Variants in POLA1 observed in about 807,000 individuals in gnomAD.
POLA1 encodes the protein DNA polymerase alpha catalytic subunit.
Under a neutral mutation model 124.0 loss-of-function variants are expected in POLA1, and 15 were observed. The ratio of observed to expected loss-of-function variants is 0.12; its 90% CI spans 0.08 to 0.19. The LOEUF (loss-of-function observed/expected upper bound fraction) is 0.19, where lower values mean the gene tolerates loss of function less well. POLA1 is among the 10% of genes least tolerant of loss of function. POLA1 has a pLI of 1.00. For missense variants in POLA1, 886 were observed against 1,103.4 expected, an observed-to-expected ratio of 0.80 and a Z score of 2.79; for synonymous variants, 408 against 389.4, an observed-to-expected ratio of 1.05 and a Z score of -0.56.
At chrX:24,834,148 A>G (rs935721233) in intron 32 of POLA1, among the ~76,000 whole-genome samples, 3 of 110,284 alleles carry the variant, frequency 2.7e-5, no homozygotes, top group Admixed American at 9.6e-5. Flanking sequence ...GACACTTGAA[A>G]AGCTTCCTGC....
At chrX:24,736,583 A>G (rs774705788) in intron 18 of POLA1, among the ~76,000 whole-genome samples, 115 of 112,084 alleles carry the variant, frequency 1.0e-3, no homozygotes, top group Non-Finnish European at 8.1e-4. Flanking sequence ...TAGGTATTAT[A>G]ATTTGTAAGT....
intron 36 of POLA1, among the ~76,000 whole-genome samples, chrX:24,971,931 G>GATT (rs2048306801): frequency 1.2e-5 from 1 of 86,902 alleles, no homozygotes; most frequent in African/African-American, 4.6e-5. Context: ...GGATGTGGAA[G>GATT]ATTTTATTTT....
chrX:24,696,390 T>C (rs1310643889), intron 1 of POLA1, among the ~76,000 whole-genome samples: 1 of 112,319 alleles, frequency 8.9e-6, no homozygotes, highest in Non-Finnish European at 1.9e-5. Context: ...AGCAAGTACT[T>C]GATGCTATAG....
chrX:24,979,315 G>C (rs2048397591), intron 36 of POLA1, among the ~76,000 whole-genome samples: 2 of 111,670 alleles, frequency 1.8e-5, no homozygotes, highest in Non-Finnish European at 3.8e-5. Flanking sequence ...TGTAAGCATC[G>C]CGTAACAATT....
At chrX:24,913,566 T>A (rs955317806) in intron 35 of POLA1, among the ~76,000 whole-genome samples, 1 of 108,778 alleles carries the variant, frequency 9.2e-6, no homozygotes, top group Non-Finnish European at 1.9e-5. Flanking sequence ...CATAAAAAAT[T>A]AGCTGGGCAT....
chrX:24,760,387 C>T (rs926835878), intron 26 of POLA1, among the ~76,000 whole-genome samples: 1 of 111,723 alleles, frequency 9.0e-6, no homozygotes, highest in African/African-American at 3.3e-5. Flanking sequence ...TTCCCACCCC[C>T]CAAATGAATC....
rs779588234 is a variant in POLA1, at chrX:24,868,258, G to A, written c.4048-19748G>A. Among the ~76,000 whole-genome samples the A allele has an allele frequency of 6.2e-5, 7 of 112,088 alleles. No homozygotes were observed. In the East Asian group the frequency reaches 1.7e-3, roughly 27 times the overall value. On this transcript the variant is annotated intron_variant, in intron 34 of 36. Coordinates refer to ENST00000379068, the MANE Select transcript of POLA1 (RefSeq NM_001330360.2). ...GCTGAGCTTTTCTTCGTGAGCAAACGGGAAGAGTCATTTTGGTTGTTTGGT... is the reference window on the plus strand; with the variant it reads ...GCTGAGCTTTTCTTCGTGAGCAAACAGGAAGAGTCATTTTGGTTGTTTGGT...
At chrX:24,709,597 G>A (rs1929204644) in intron 4 of POLA1, among the ~76,000 whole-genome samples, 1 of 101,766 alleles carries the variant, frequency 9.8e-6, no homozygotes, top group African/African-American at 3.5e-5. Flanking sequence ...CTCAGACGGG[G>A]CAGCTGCCGG....
intron 16 of POLA1, among the ~76,000 whole-genome samples, chrX:24,733,287 A>G (rs1244091535): frequency 8.9e-6 from 1 of 112,400 alleles, no homozygotes; most frequent in Admixed American, 9.4e-5. Context: ...GAGAGCAATC[A>G]TGAGTTCATT....
intron 34 of POLA1, among the ~76,000 whole-genome samples, chrX:24,882,715 G>A (rs2047018759): frequency 1.8e-5 from 2 of 109,008 alleles, no homozygotes; most frequent in Admixed American, 2.0e-4. Context: ...GTGTGTGTGT[G>A]TGTGTGTGTG....
intron 26 of POLA1, among the ~76,000 whole-genome samples, chrX:24,803,756 G>C (rs1427087798): frequency 1.8e-5 from 2 of 108,922 alleles, no homozygotes; most frequent in Non-Finnish European, 3.8e-5. Flanking sequence ...ATAATGAAGA[G>C]ACATTTCTAC....
chrX:24,996,213 A>G lies in POLA1; in HGVS notation c.*263A>G, dbSNP rs1435943136. The G allele has an allele frequency of 4.3e-5, 11 of 253,514 alleles. No homozygotes were observed. The highest frequency in any genetic ancestry group is 6.9e-5 in the Non-Finnish European group (10 of 144,567). 20.9% of individuals were successfully genotyped at this position (253,514 alleles called of 1,213,427 possible). On this transcript the variant is annotated 3_prime_UTR_variant, in exon 37 of 37. Coordinates refer to ENST00000379068, the MANE Select transcript of POLA1 (RefSeq NM_001330360.2). ...GCCCCTCCCCAAGCTCCCCTCCCCA[A>G]GCTCCTGAAGACCCGGTTTCTGAGG...
chrX:24,773,933 T>C (rs1286461680), intron 26 of POLA1, among the ~76,000 whole-genome samples: 1 of 112,075 alleles, frequency 8.9e-6, no homozygotes, highest in Non-Finnish European at 1.9e-5. Context: ...AGTGATAAGA[T>C]ACTTTCTACC....
At chrX:24,705,388 C>G (rs1928731302) in intron 4 of POLA1, among the ~76,000 whole-genome samples, 1 of 111,534 alleles carries the variant, frequency 9.0e-6, no homozygotes. Flanking sequence ...TGCTGTCTTG[C>G]CCTTTACTGT....
intron 1 of POLA1, among the ~76,000 whole-genome samples, chrX:24,695,502 C>G (rs1373150232): frequency 3.6e-5 from 4 of 110,629 alleles, no homozygotes; most frequent in African/African-American, 1.3e-4. Flanking sequence ...ATTTTTGAGA[C>G]AAAGCTTCCC....
intron 32 of POLA1, among the ~76,000 whole-genome samples, chrX:24,840,706 A>G (rs1283121437): frequency 8.9e-6 from 1 of 112,312 alleles, no homozygotes; most frequent in East Asian, 2.8e-4. Flanking sequence ...CTAAAATAAG[A>G]TAGTTTTCTC....
intron 26 of POLA1, among the ~76,000 whole-genome samples, chrX:24,771,358 TA>T (rs1010315047): frequency 5.4e-5 from 6 of 111,678 alleles, no homozygotes; most frequent in Non-Finnish European, 7.5e-5. Flanking sequence ...AATTCTCTAA[TA>T]AACACAGTAC....
At chrX:24,945,344 C>G (rs183580576) in intron 36 of POLA1, among the ~76,000 whole-genome samples, 1 of 112,218 alleles carries the variant, frequency 8.9e-6, no homozygotes, top group Non-Finnish European at 1.9e-5. Context: ...TGTCATTGAC[C>G]ATGTTTTGTT....
intron 34 of POLA1, among the ~76,000 whole-genome samples, chrX:24,869,625 G>T (rs1248434598): frequency 4.5e-5 from 5 of 112,079 alleles, no homozygotes; most frequent in African/African-American, 1.6e-4. Context: ...AAAATTAAAA[G>T]AATATTTCTT....
Sources: allele counts gnomAD v4.1 joint callset (sites outside exome capture counted in the v4.1 genomes callset), GRCh38; gene constraint gnomAD v4.1.1; transcripts MANE v1.5; gene names NCBI Gene and HGNC (gene_info 2026-07-23, HGNC 2026-07-21).